The following ERC2 variants were observed in gnomAD, a reference collection of about 807,000 sequenced individuals.
The protein encoded by ERC2 is ELKS/RAB6-interacting/CAST family member 2.
ERC2 carries 42 observed loss-of-function variants against 114.8 expected under a neutral mutation model. The observed-to-expected ratio is 0.37, with a 90% CI of 0.29 to 0.47. The LOEUF (loss-of-function observed/expected upper bound fraction) is 0.47, where lower values mean the gene tolerates loss of function less well. ERC2 is among the 20% of genes least tolerant of loss of function. The probability of loss-of-function intolerance (pLI) is 0.99; values close to 1 mark genes in which losing one functional copy is unlikely to be tolerated. For synonymous variants in ERC2, 454 were observed against 425.5 expected, an observed-to-expected ratio of 1.07 and a Z score of -0.82; for missense variants, 939 against 1,150.7, an observed-to-expected ratio of 0.82 and a Z score of 2.66.
At chr3:55,930,043 A>G (rs896073225) in intron 13 of ERC2, among the ~76,000 whole-genome samples, 1 of 152,200 alleles carries the variant, frequency 6.6e-6, no homozygotes, top group Non-Finnish European at 1.5e-5. Flanking sequence ...ATTCGAGACC[A>G]GCCTGGCCAA....
intron 14 of ERC2, among the ~76,000 whole-genome samples, chr3:55,748,101 C>A (rs906291885): frequency 6.6e-6 from 1 of 152,172 alleles, no homozygotes; most frequent in Non-Finnish European, 1.5e-5. Flanking sequence ...GCCCAAGAAA[C>A]AATGGTATAG....
At chr3:55,852,197 G>A (rs1341091993) in intron 14 of ERC2, among the ~76,000 whole-genome samples, 1 of 152,184 alleles carries the variant, frequency 6.6e-6, no homozygotes, top group Non-Finnish European at 1.5e-5. Flanking sequence ...TCCAGCCTGG[G>A]TGACAGGGTG....
At chr3:55,836,506 G>A (rs1575780203) in intron 14 of ERC2, among the ~76,000 whole-genome samples, 1 of 152,264 alleles carries the variant, frequency 6.6e-6, no homozygotes, top group South Asian at 2.1e-4. Flanking sequence ...AATGGGGAAA[G>A]GATTCTCTAT....
At chr3:56,081,062 G>A in intron 6 of ERC2, 78 bp from the exon 7 acceptor site, 1 of 1,486,558 alleles carries the variant, frequency 6.7e-7, no homozygotes, top group Non-Finnish European at 9.1e-7. Flanking sequence ...CCTTTGAGGA[G>A]GCAGGGCAGC....
chr3:55,604,086 C>T (rs577335395), intron 17 of ERC2, among the ~76,000 whole-genome samples: 38 of 152,208 alleles, frequency 2.5e-4, no homozygotes, highest in South Asian at 2.1e-4. Flanking sequence ...TGAAACTAAA[C>T]GACTTTAATA....
intron 14 of ERC2, among the ~76,000 whole-genome samples, chr3:55,829,551 C>T (rs552229512): frequency 5.0e-4 from 76 of 152,264 alleles, no homozygotes; most frequent in African/African-American, 1.7e-3. Context: ...GATGGGGTCT[C>T]CCTCTGTCAC....
At chr3:56,270,649 CTG>C (rs2053596288) in intron 3 of ERC2, among the ~76,000 whole-genome samples, 2 of 152,176 alleles carry the variant, frequency 1.3e-5, no homozygotes, top group Admixed American at 1.3e-4. Flanking sequence ...TACAAAGACT[CTG>C]TGGAAGATCT....
intron 7 of ERC2, among the ~76,000 whole-genome samples, chr3:56,020,149 G>A (rs2073604946): frequency 6.6e-6 from 1 of 152,146 alleles, no homozygotes; most frequent in South Asian, 2.1e-4. Flanking sequence ...GTCAAAAACA[G>A]CTCTGGATGC....
chr3:56,010,882 T>C (rs2072872548), intron 8 of ERC2, among the ~76,000 whole-genome samples: 1 of 152,234 alleles, frequency 6.6e-6, no homozygotes, highest in Non-Finnish European at 1.5e-5. Context: ...AGCAAATTTC[T>C]AGAGCAGCTC....
intron 6 of ERC2, among the ~76,000 whole-genome samples, chr3:56,123,884 G>A (rs2149866930): frequency 6.6e-6 from 1 of 152,120 alleles, no homozygotes; most frequent in African/African-American, 2.4e-5. Flanking sequence ...GTTATTTTTG[G>A]TTCTGGGTCT....
chr3:56,455,478 C>G (rs961130684), intron 1 of ERC2, among the ~76,000 whole-genome samples: 5 of 152,170 alleles, frequency 3.3e-5, no homozygotes, highest in African/African-American at 1.2e-4. Flanking sequence ...TCACTAGTGA[C>G]CCCCTGTAAG....
At chr3:55,721,790 C>T (rs2064570751) in intron 15 of ERC2, among the ~76,000 whole-genome samples, 1 of 152,224 alleles carries the variant, frequency 6.6e-6, no homozygotes, top group African/African-American at 2.4e-5. Context: ...ACCAGGAAGA[C>T]TGACAACAGA....
intron 3 of ERC2, among the ~76,000 whole-genome samples, chr3:56,238,887 AT>A (rs930729478): frequency 6.6e-5 from 10 of 152,146 alleles, no homozygotes; most frequent in Non-Finnish European, 1.0e-4. Flanking sequence ...ACTAAAATTT[AT>A]TTTTCCAGAG....
intron 3 of ERC2, among the ~76,000 whole-genome samples, chr3:56,247,273 A>T (rs1478251699): frequency 1.4e-5 from 2 of 147,658 alleles, no homozygotes; most frequent in Non-Finnish European, 2.9e-5. Context: ...GAATTATAGA[A>T]TATTTTTCTT....
chr3:55,888,302 T>C (rs976497209), intron 14 of ERC2, 87 bp downstream of exon 14: 21 of 1,440,798 alleles, frequency 1.5e-5, no homozygotes, highest in Admixed American at 2.1e-5. Context: ...TTCTGAGCTC[T>C]TTCTTCATCT....
At chr3:56,268,568 G>T (rs941415803) in intron 3 of ERC2, among the ~76,000 whole-genome samples, 1 of 152,264 alleles carries the variant, frequency 6.6e-6, no homozygotes, top group African/African-American at 2.4e-5. Context: ...GAAATTCTCA[G>T]TATTCCAGAA....
intron 3 of ERC2, among the ~76,000 whole-genome samples, chr3:56,251,915 T>C (rs2052183459): frequency 6.6e-6 from 1 of 152,226 alleles, no homozygotes; most frequent in African/African-American, 2.4e-5. Flanking sequence ...AATTCAACTC[T>C]TGCCTCCATA....
At chr3:55,883,882 C>T (rs990617445) in intron 14 of ERC2, among the ~76,000 whole-genome samples, 4 of 140,830 alleles carry the variant, frequency 2.8e-5, no homozygotes, top group African/African-American at 5.9e-5. Context: ...AGTGAGGCTC[C>T]GTCTCAAAAC....
intron 13 of ERC2, among the ~76,000 whole-genome samples, chr3:55,950,059 T>C (rs2067393974): frequency 6.6e-6 from 1 of 152,220 alleles, no homozygotes; most frequent in Admixed American, 6.5e-5. Flanking sequence ...TCTGTGATAA[T>C]ACACACACAT....
Sources: gnomAD v4.1 joint callset for allele counts (sites outside exome capture counted in the v4.1 genomes callset) on GRCh38, gnomAD v4.1.1 for gene constraint, MANE v1.5 for transcripts, NCBI Gene and HGNC (gene_info 2026-07-23, HGNC 2026-07-21) for gene names.